Variants in CAPN9 observed in about 807,000 individuals in gnomAD.
CAPN9 encodes the protein calpain-9.
A neutral mutation model predicts 92.8 loss-of-function variants in CAPN9; 81 were observed. That is an observed-to-expected ratio of 0.87 (90% CI 0.73 to 1.05). CAPN9 has a LOEUF of 1.05. Ranked by LOEUF, CAPN9 falls within the 50% of genes least tolerant of loss-of-function variation. The pLI is 0.00. For synonymous variants in CAPN9, 304 were observed against 328.0 expected (o/e 0.93, Z 0.79); for missense variants, 848 against 866.2 (o/e 0.98, Z 0.26).
At chr1:230,795,609 G>A in intron 18 of CAPN9, 1 of 245,118 alleles carries the variant, frequency 4.1e-6, no homozygotes, top group Non-Finnish European at 8.1e-6. Context: ...AAACAGGAGA[G>A]TCTCAGTCCC....
intron 8 of CAPN9, chr1:230,776,670 G>C (rs577992920): frequency 4.5e-4 from 68 of 152,276 alleles, no homozygotes; most frequent in African/African-American, 1.6e-3. Flanking sequence ...TCTGTGGGTG[G>C]CTCTGTTCAT....
intron 11 of CAPN9, among the ~76,000 whole-genome samples, chr1:230,784,610 T>C (rs1400609109): frequency 6.6e-6 from 1 of 151,760 alleles, no homozygotes; most frequent in African/African-American, 2.4e-5. Context: ...CATATGGTGT[T>C]AAGCCTGCAG....
chr1:230,783,239 T>C (rs1478780992), intron 11 of CAPN9, among the ~76,000 whole-genome samples: 1 of 152,202 alleles, frequency 6.6e-6, no homozygotes, highest in Non-Finnish European at 1.5e-5. Context: ...TTGCCCTTGT[T>C]AAAGTACATT....
chr1:230,774,331 T>C (rs1233776853), intron 7 of CAPN9, among the ~76,000 whole-genome samples: 1 of 152,234 alleles, frequency 6.6e-6, no homozygotes, highest in African/African-American at 2.4e-5. Context: ...AGGGGTATTT[T>C]ATCCATCAGC....
chr1:230,772,683 A>G (rs1012105151), intron 7 of CAPN9, among the ~76,000 whole-genome samples: 2 of 151,304 alleles, frequency 1.3e-5, no homozygotes, highest in African/African-American at 4.9e-5. Context: ...TTGAGGCTGC[A>G]GGGAGCTATG....
At chr1:230,777,771 G>C (rs531903102) in intron 8 of CAPN9, among the ~76,000 whole-genome samples, 1 of 152,132 alleles carries the variant, frequency 6.6e-6, no homozygotes, top group South Asian at 2.1e-4. Flanking sequence ...TTGACGTGCT[G>C]GATTGCGGGG....
At chr1:230,784,329 G>A (rs1248186879) in intron 11 of CAPN9, among the ~76,000 whole-genome samples, 1 of 152,206 alleles carries the variant, frequency 6.6e-6, no homozygotes, top group Non-Finnish European at 1.5e-5. Context: ...AAAGAGCCAA[G>A]TGCTATAACC....
intron 2 of CAPN9, among the ~76,000 whole-genome samples, chr1:230,758,706 CT>C (rs1665416729): frequency 6.6e-6 from 1 of 152,136 alleles, no homozygotes; most frequent in African/African-American, 2.4e-5. Flanking sequence ...GTGTGATGGG[CT>C]TTTAGGTTCT....
intron 2 of CAPN9, among the ~76,000 whole-genome samples, chr1:230,756,328 A>G (rs993907424): frequency 6.6e-6 from 1 of 151,394 alleles, no homozygotes; most frequent in African/African-American, 2.4e-5. Context: ...GAGAGAGAGA[A>G]GCAAATGGAT....
chr1:230,756,314 G>A (rs923397116), intron 2 of CAPN9, among the ~76,000 whole-genome samples: 1 of 151,982 alleles, frequency 6.6e-6, no homozygotes, highest in Admixed American at 6.6e-5. Flanking sequence ...TTGAGAGAGA[G>A]AGAGAGAGAG....
intron 16 of CAPN9, 113 bp from the exon 17 acceptor site, chr1:230,792,737 C>T: frequency 2.2e-6 from 2 of 897,462 alleles, no homozygotes; most frequent in East Asian, 2.4e-5. Flanking sequence ...CCAACTGTGG[C>T]CTCTGCGGCC....
rs1667565505 is a variant in CAPN9 at position 230,786,120 on chromosome 1, G to C, written c.1518+103G>C. ...TGTAAAACTCTGCAGTTCAGGGATG[G>C]TTACATGCAATCAAGTAAGCATCTA... is the stretch of plus-strand genomic sequence containing the variant. On this transcript the variant is annotated intron_variant, in intron 12 of 19. Transcript: ENST00000271971. 3.7e-6 allele frequency: 6 copies of C among 1,600,898 alleles called. No individual in the cohort carries two copies. In the African/African-American group the frequency reaches 8.1e-5, roughly 22 times the overall value.
intron 9 of CAPN9, 63 bp from the exon 10 acceptor site, chr1:230,780,113 TGTG>T: frequency 3.4e-6 from 3 of 888,928 alleles, no homozygotes; most frequent in South Asian, 3.1e-5. Flanking sequence ...TGTGTGTGTG[TGTG>T]TGTGTGGTCT....
In CAPN9 at chr1:230,747,394, G is replaced by A. The variant is rs1309925883; in HGVS notation, c.-103G>A. On this transcript the variant is annotated 5_prime_UTR_variant, in exon 1 of 20. The change creates a new upstream start codon in the 5' untranslated region. Transcript: ENST00000271971. ...GTGGAGGTGAGGGCCACTCAGCCCAGTGGCCCTCTGAGCTGTTCCTTCTTG... is the reference window on the plus strand; with the variant it reads ...GTGGAGGTGAGGGCCACTCAGCCCAATGGCCCTCTGAGCTGTTCCTTCTTG... 1 of 997,528 alleles carries A rather than the reference G, an allele frequency of 1.0e-6. No homozygotes were observed. The highest frequency in any genetic ancestry group is 2.4e-5 in the East Asian group (1 of 41,976). 61.8% of individuals were successfully genotyped at this position (997,528 alleles called of 1,614,324 possible). A position where few individuals can be genotyped will look rare whatever the true frequency, so the allele number is the denominator to read the frequency against.
At position 230,768,279 on chromosome 1, in the gene CAPN9, G is replaced by A. The variant is rs1029719359; in HGVS notation, c.705+570G>A. Among the ~76,000 whole-genome samples the A allele has an allele frequency of 1.1e-4, 17 of 152,028 alleles. No homozygotes were observed. In the South Asian group the frequency reaches 1.2e-3, roughly 11 times the overall value. ...AAACACAAGTTTTTATTTAATAGTC[G>A]TCAAATAACAAAGGTAAGATGTACT... is the stretch of plus-strand genomic sequence containing the variant. On this transcript the variant is annotated intron_variant, in intron 5 of 19. Coordinates refer to ENST00000271971, the MANE Select transcript of CAPN9 (RefSeq NM_006615.3).
intron 4 of CAPN9, among the ~76,000 whole-genome samples, chr1:230,766,977 A>G (rs1341637987): frequency 6.6e-6 from 1 of 152,190 alleles, no homozygotes; most frequent in Non-Finnish European, 1.5e-5. Context: ...AAAATTCTAA[A>G]TTGAAAAGCT....
intron 1 of CAPN9, among the ~76,000 whole-genome samples, chr1:230,753,612 G>C (rs1404412927): frequency 6.6e-6 from 1 of 152,178 alleles, no homozygotes. Flanking sequence ...GGAAGGCGGC[G>C]CAGCTTGAGC....
At chr1:230,777,481 G>C (rs186468901) in intron 8 of CAPN9, among the ~76,000 whole-genome samples, 11 of 151,610 alleles carry the variant, frequency 7.3e-5, no homozygotes, top group Non-Finnish European at 1.2e-4. Flanking sequence ...CTCCCCTTAC[G>C]TATGAATTCC....
intron 2 of CAPN9, 93 bp from the exon 3 acceptor site, chr1:230,759,419 T>C (rs1255701817): frequency 1.2e-6 from 1 of 849,658 alleles, no homozygotes; most frequent in Non-Finnish European, 1.9e-6. Context: ...TGTGGCCACA[T>C]CTGAAACTCC....
Sources: allele counts gnomAD v4.1 joint callset (sites outside exome capture counted in the v4.1 genomes callset), GRCh38; gene constraint gnomAD v4.1.1; transcripts MANE v1.5; gene names NCBI Gene and HGNC (gene_info 2026-07-23, HGNC 2026-07-21).